The following CHRM3 variants were observed in gnomAD, a reference collection of about 807,000 sequenced individuals.
CHRM3 encodes cholinergic receptor muscarinic 3.
A neutral mutation model predicts 41.8 loss-of-function variants in CHRM3; 11 were observed. That is an observed-to-expected ratio of 0.26 (90% CI 0.17 to 0.44). CHRM3 has a LOEUF of 0.44. Among genes scored for constraint, CHRM3 ranks in the 20% least tolerant of loss-of-function variants. The probability of loss-of-function intolerance (pLI) is 1.00; values close to 1 mark genes in which losing one functional copy is unlikely to be tolerated. For missense variants in CHRM3, 571 were observed against 745.4 expected, an observed-to-expected ratio of 0.77 and a Z score of 2.72; for synonymous variants, 297 against 301.4, an observed-to-expected ratio of 0.99 and a Z score of 0.15.
chr1:239,581,875 A>G (rs924505059), intron 3 of CHRM3, among the ~76,000 whole-genome samples: 3 of 152,104 alleles, frequency 2.0e-5, no homozygotes, highest in African/African-American at 4.8e-5. Context: ...GAGTTTAAAA[A>G]CTTTACTTTC....
intron 6 of CHRM3, among the ~76,000 whole-genome samples, chr1:239,848,377 T>A (rs1355232395): frequency 1.3e-5 from 2 of 152,176 alleles, no homozygotes; most frequent in African/African-American, 4.8e-5. Flanking sequence ...TACAATATAC[T>A]TTACTTATTG....
At chr1:239,784,042 G>A (rs976227660) in intron 5 of CHRM3, among the ~76,000 whole-genome samples, 15 of 152,164 alleles carry the variant, frequency 9.9e-5, no homozygotes, top group South Asian at 6.2e-4. Flanking sequence ...ACATGATTTC[G>A]TTCTTTTTGA....
chr1:239,602,229 G>A (rs1435682147), intron 3 of CHRM3, among the ~76,000 whole-genome samples: 1 of 151,188 alleles, frequency 6.6e-6, no homozygotes, highest in African/African-American at 2.4e-5. Flanking sequence ...CTGCCTCCCA[G>A]GTTCACGCCC....
chr1:239,405,196 A>G (rs1660498603), intron 1 of CHRM3, among the ~76,000 whole-genome samples: 10 of 152,214 alleles, frequency 6.6e-5, no homozygotes, highest in Admixed American at 6.5e-4. Flanking sequence ...AACAAAATTA[A>G]TAATCACTCT....
chr1:239,539,269 G>A (rs73116726), intron 2 of CHRM3, among the ~76,000 whole-genome samples: 6,325 of 152,178 alleles, frequency 0.042, 447 homozygotes, highest in African/African-American at 0.14. Flanking sequence ...TTGTTCTCTT[G>A]TAATTCAATG....
chr1:239,592,939 T>C (rs1664346005), intron 3 of CHRM3, among the ~76,000 whole-genome samples: 1 of 152,058 alleles, frequency 6.6e-6, no homozygotes, highest in Admixed American at 6.6e-5. Context: ...CCAGATCCGC[T>C]CCTCCCCCGA....
intron 6 of CHRM3, among the ~76,000 whole-genome samples, chr1:239,875,564 A>G (rs532794580): frequency 3.3e-5 from 5 of 152,254 alleles, no homozygotes; most frequent in Non-Finnish European, 5.9e-5. Flanking sequence ...AGGCATAGCC[A>G]GATTTGCTCC....
At chr1:239,418,054 A>G (rs769582989) in intron 1 of CHRM3, among the ~76,000 whole-genome samples, 1 of 152,338 alleles carries the variant, frequency 6.6e-6, no homozygotes, top group Middle Eastern at 3.4e-3. Context: ...GTTTGCTAAA[A>G]TGTATATACA....
At position 239,687,136 on chromosome 1, in the gene CHRM3, T is replaced by C. The variant is rs190681068; in HGVS notation, c.-147+8848T>C. Among the ~76,000 whole-genome samples, 370 of 151,796 alleles carry C rather than the reference T, an allele frequency of 2.4e-3. 1 individual carries two copies. The highest frequency in any genetic ancestry group is 4.0e-3 in the Admixed American group (61 of 15,202). ...ATACTATATTTTAATAATAATAAAA[T>C]AATAATATGCTTGGAAAAATAATAA... On this transcript the variant is annotated intron_variant, in intron 5 of 6. Transcript: ENST00000676153.
intron 2 of CHRM3, among the ~76,000 whole-genome samples, chr1:239,528,290 C>A (rs1480589196): frequency 6.6e-6 from 1 of 152,160 alleles, no homozygotes; most frequent in African/African-American, 2.4e-5. Flanking sequence ...TGCTGTTGTG[C>A]AAGGAGTACC....
chr1:239,590,541 T>G (rs1411608712), intron 3 of CHRM3, among the ~76,000 whole-genome samples: 6 of 152,196 alleles, frequency 3.9e-5, no homozygotes, highest in Non-Finnish European at 7.3e-5. Context: ...TTTTATAATT[T>G]TTTAAAAAGT....
At position 239,641,921 on chromosome 1, in the gene CHRM3, G is replaced by T; in HGVS notation, c.-250+9635G>T. Among the ~76,000 whole-genome samples, 2 of 127,304 alleles carry T rather than the reference G, an allele frequency of 1.6e-5. 1 individual carries two copies. Among genetic ancestry groups the T allele is most frequent in the African/African-American group, 6.3e-5 (2 of 31,638 alleles). The allele number at this position is 127,304 out of a possible 152,430, so 83.5% of individuals were successfully genotyped here. A position where few individuals can be genotyped will look rare whatever the true frequency, so the allele number is the denominator to read the frequency against. On this transcript the variant is annotated intron_variant, in intron 4 of 6. Transcript: ENST00000676153. ...GCTGGTACCGGTTGTTCCTTTCCGT[G>T]TTTAGTGCTTCCTTCAGGAGCTCTT...
chr1:239,422,815 AC>A (rs58921640), intron 1 of CHRM3, among the ~76,000 whole-genome samples: 1 of 145,862 alleles, frequency 6.9e-6, no homozygotes, highest in African/African-American at 2.8e-5. Flanking sequence ...AAAAACAAAA[AC>A]AAAAAACAGT....
chr1:239,877,995 A>G (rs1212134945), intron 6 of CHRM3, among the ~76,000 whole-genome samples: 1 of 150,026 alleles, frequency 6.7e-6, no homozygotes, highest in African/African-American at 2.5e-5. Flanking sequence ...GGTTCATGCC[A>G]TTCTCCTGCC....
intron 6 of CHRM3, among the ~76,000 whole-genome samples, chr1:239,833,638 T>G (rs1673067144): frequency 6.6e-6 from 1 of 152,202 alleles, no homozygotes; most frequent in South Asian, 2.1e-4. Context: ...GAGGATAACT[T>G]TTTTATTAAT....
chr1:239,606,631 C>T (rs189002297), intron 3 of CHRM3, among the ~76,000 whole-genome samples: 1 of 152,260 alleles, frequency 6.6e-6, no homozygotes, highest in East Asian at 1.9e-4. Context: ...AAGAATAGCT[C>T]TGTGTTGCCC....
intron 5 of CHRM3, among the ~76,000 whole-genome samples, chr1:239,690,226 A>ATTTAT (rs1367701582): frequency 1.3e-5 from 2 of 151,814 alleles, no homozygotes; most frequent in Non-Finnish European, 2.9e-5. Flanking sequence ...ATTTCTTTTC[A>ATTTAT]TTTATTTTAT....
In CHRM3 at chr1:239,907,854, G is replaced by T; in HGVS notation, c.403G>T (p.Ala135Ser). Residue 135 changes from alanine (A) to serine (S), a missense_variant, in exon 7 of 7, where the codon GCC becomes TCC. Around this residue, in one of 5 missense-constraint regions of CHRM3, gnomAD observed 153 missense variants for 296.3 expected, o/e 0.52. Coordinates refer to ENST00000676153, the MANE Select transcript of CHRM3 (RefSeq NM_001375978.1). This position sits in a 1 kb window ranked among gnomAD's most constrained non-coding sequence, Gnocchi z 5.4. ...FTTYIIMNRW[A>S]LGNLACDLWL... ...GACCTACATCATCATGAATCGATGGGCCTTAGGGAACTTGGCCTGTGACCT... is the reference window on the plus strand; with the variant it reads ...GACCTACATCATCATGAATCGATGGTCCTTAGGGAACTTGGCCTGTGACCT... 3 of 1,614,216 alleles carry T rather than the reference G, an allele frequency of 1.9e-6. No individual in the cohort carries two copies. Among genetic ancestry groups the T allele is most frequent in the Non-Finnish European group, 2.5e-6 (3 of 1,180,042 alleles).
intron 1 of CHRM3, among the ~76,000 whole-genome samples, chr1:239,404,102 C>T (rs1293955478): frequency 6.7e-6 from 1 of 150,006 alleles, no homozygotes; most frequent in Non-Finnish European, 1.5e-5. Context: ...TCCTGGCTAA[C>T]ACAGTGAAAC....
Sources: allele counts gnomAD v4.1 joint callset (sites outside exome capture counted in the v4.1 genomes callset), GRCh38; gene constraint gnomAD v4.1.1; regional missense constraint gnomAD v4.1.1; non-coding constraint Gnocchi (gnomAD v3.1); transcripts MANE v1.5; gene names NCBI Gene and HGNC (gene_info 2026-07-23, HGNC 2026-07-21).